Variants in XPO6 observed in about 807,000 individuals in gnomAD.
The protein encoded by XPO6 is exportin-6.
Under a neutral mutation model 130.0 loss-of-function variants are expected in XPO6, and 3 were observed. The observed-to-expected ratio is 0.02, with a 90% CI of 0.01 to 0.06. The LOEUF (loss-of-function observed/expected upper bound fraction) is 0.06. XPO6 is among the 10% of genes least tolerant of loss of function. XPO6 has a pLI of 1.00. For missense variants in XPO6, 970 were observed against 1,393.0 expected, an observed-to-expected ratio of 0.70 and a Z score of 4.83; for synonymous variants, 524 against 548.9, an observed-to-expected ratio of 0.95 and a Z score of 0.63.
chr16:28,170,346 A>AG (rs2043430296), intron 4 of XPO6, among the ~76,000 whole-genome samples: 1 of 151,854 alleles, frequency 6.6e-6, no homozygotes, highest in African/African-American at 2.4e-5. Context: ...AAAAAAAAAA[A>AG]AAAAGAAACA....
At chr16:28,118,237 C>T (rs2087122844) in intron 14 of XPO6, among the ~76,000 whole-genome samples, 1 of 152,222 alleles carries the variant, frequency 6.6e-6, no homozygotes, top group Non-Finnish European at 1.5e-5. Context: ...ATCAGTATTA[C>T]ATTGGTGGTT....
intron 1 of XPO6, among the ~76,000 whole-genome samples, chr16:28,206,687 T>C (rs995697314): frequency 6.6e-6 from 1 of 152,232 alleles, no homozygotes; most frequent in African/African-American, 2.4e-5. Context: ...CATATACTAA[T>C]TTTTTCAGAA....
At position 28,177,078 on chromosome 16, in the gene XPO6, T is replaced by G. The variant is rs556176243; in HGVS notation, c.207+142A>C. On this transcript the variant is annotated intron_variant, in intron 3 of 23. Coordinates refer to ENST00000304658, the MANE Select transcript of XPO6 (RefSeq NM_015171.4). ...GAAGATGCCCCAAACACCAGACAACTACATAAAGACAGTATGTGGGACGAC... is the reference window on the plus strand; with the variant it reads ...GAAGATGCCCCAAACACCAGACAACGACATAAAGACAGTATGTGGGACGAC... The G allele has an allele frequency of 3.2e-5, 13 of 406,518 alleles. No individual in the cohort carries two copies. The East Asian group carries it at 5.4e-4, about 17-fold the overall frequency. The allele number at this position is 406,518 out of a possible 1,614,324, so 25.2% of individuals were successfully genotyped here.
rs201683867 is a variant in XPO6, at chr16:28,176,050, T to C, written c.253A>G (p.Met85Val). 2.5e-6 allele frequency: 4 copies of C among 1,614,174 alleles called. No individual in the cohort carries two copies. The highest frequency in any genetic ancestry group is 4.5e-5 in the East Asian group (2 of 44,878). ...MWLGVPSQDK[M>V]EIRSCLPKLL... ...TTGGGCAGACAGCTACGGATTTCCATCTTATCCTGAGATGGGACCCCAAGC... is the reference window on the plus strand; with the variant it reads ...TTGGGCAGACAGCTACGGATTTCCACCTTATCCTGAGATGGGACCCCAAGC... The change falls in exon 4 of 24, where the codon ATG becomes GTG. Residue 85 changes from methionine to valine, a missense_variant. Met to Val is a conservative substitution (Grantham distance 21). Around this residue, in one of 4 missense-constraint regions of XPO6, gnomAD observed 936 missense variants for 1,306.8 expected, o/e 0.72. Transcript: ENST00000304658.
chr16:28,125,864 C>G lies in XPO6; in HGVS notation c.1607-16G>C, dbSNP rs772563553. 1.2e-6 allele frequency: 2 copies of G among 1,608,896 alleles called. No homozygotes were observed. The highest frequency in any genetic ancestry group is 1.7e-6 in the Non-Finnish European group (2 of 1,177,282). The stretch of plus-strand genomic sequence containing the variant: ...AACCTGTGTCCTGGAACACAACACG[C>G]CAGACAGTTTTTCACAGGAAGACCA... On this transcript the variant is annotated splice_polypyrimidine_tract_variant and intron_variant, in intron 12 of 23. Coordinates refer to ENST00000304658, the MANE Select transcript of XPO6 (RefSeq NM_015171.4).
intron 7 of XPO6, chr16:28,153,570 A>T: frequency 1.0e-6 from 1 of 985,430 alleles, no homozygotes; most frequent in Non-Finnish European, 1.2e-6. Flanking sequence ...TATGGGTCAC[A>T]GCTGCAAGGA....
Position 28,180,929 on chromosome 16 carries a change from T to C in XPO6, c.94+12A>G. The C allele has an allele frequency of 2.5e-6, 4 of 1,608,446 alleles. No individual in the cohort carries two copies. The highest frequency in any genetic ancestry group is 3.4e-6 in the Non-Finnish European group (4 of 1,177,146). On this transcript the variant is annotated intron_variant, in intron 2 of 23. Transcript: ENST00000304658. ...TTATAAATTCCTCTTTACAAGTCAA[T>C]GCTCCACTTACCTATCTCACGTTTT...
chr16:28,171,553 C>A (rs968395464), intron 4 of XPO6, among the ~76,000 whole-genome samples: 2 of 151,874 alleles, frequency 1.3e-5, no homozygotes, highest in Admixed American at 1.3e-4. Flanking sequence ...AAGCTCACCC[C>A]TAAAGAACAG....
rs140784073 is a variant in XPO6, at chr16:28,203,191, C to T, written c.3+8175G>A. On this transcript the variant is annotated intron_variant, in intron 1 of 23. Transcript: ENST00000304658. ...TCAGGAGGCTGAGGTGGGAGGATCG[C>T]GTGAGCCCCAGGAGATAGAGGCTGC... Among the ~76,000 whole-genome samples, 388 of 151,350 alleles carry T rather than the reference C, an allele frequency of 2.6e-3. 2 individuals are homozygous for T. Among genetic ancestry groups the T allele is most frequent in the African/African-American group, 9.0e-3 (370 of 41,190 alleles).
At chr16:28,176,383 A>G (rs189323548) in intron 3 of XPO6, among the ~76,000 whole-genome samples, 24 of 152,380 alleles carry the variant, frequency 1.6e-4, no homozygotes, top group African/African-American at 4.8e-4. Flanking sequence ...AGCAACTTCA[A>G]TGTTCAAAAA....
intron 4 of XPO6, among the ~76,000 whole-genome samples, chr16:28,171,889 C>A (rs1431079248): frequency 6.6e-6 from 1 of 152,148 alleles, no homozygotes; most frequent in African/African-American, 2.4e-5. Context: ...AAAAGATTCC[C>A]ATTACTTCCT....
At chr16:28,189,887 C>T (rs1352471880) in intron 1 of XPO6, among the ~76,000 whole-genome samples, 1 of 152,206 alleles carries the variant, frequency 6.6e-6, no homozygotes, top group Non-Finnish European at 1.5e-5. Flanking sequence ...TAAAGTTGAT[C>T]GATGGCAGAA....
intron 12 of XPO6, among the ~76,000 whole-genome samples, chr16:28,128,907 C>T (rs1335461393): frequency 6.6e-6 from 1 of 152,186 alleles, no homozygotes; most frequent in Non-Finnish European, 1.5e-5. Context: ...CCTCATTACC[C>T]TCCTGAGAAT....
At chr16:28,188,557 C>CTAAT (rs2043732429) in intron 1 of XPO6, among the ~76,000 whole-genome samples, 1 of 150,664 alleles carries the variant, frequency 6.6e-6, no homozygotes. Flanking sequence ...ACAACACATG[C>CTAAT]GATTAGCAAA....
intron 18 of XPO6, 108 bp downstream of exon 18, chr16:28,107,414 C>T: frequency 7.6e-7 from 1 of 1,322,854 alleles, no homozygotes; most frequent in East Asian, 2.3e-5. Flanking sequence ...TTGCACGGAA[C>T]AAGTCAAGGC....
intron 1 of XPO6, among the ~76,000 whole-genome samples, chr16:28,195,042 C>T (rs1289875326): frequency 6.6e-6 from 1 of 151,716 alleles, no homozygotes; most frequent in Non-Finnish European, 1.5e-5. Context: ...TCCCCACCCT[C>T]AGAGCTCCTC....
chr16:28,180,109 G>A (rs1443046575), intron 2 of XPO6, among the ~76,000 whole-genome samples: 1 of 152,194 alleles, frequency 6.6e-6, no homozygotes, highest in Non-Finnish European at 1.5e-5. Context: ...GCTCACACCT[G>A]TAATCCCAGC....
chr16:28,166,287 T>A (rs559703501), intron 6 of XPO6, among the ~76,000 whole-genome samples: 1 of 151,944 alleles, frequency 6.6e-6, no homozygotes, highest in Admixed American at 6.5e-5. Context: ...TCAGGAAAAA[T>A]AAAAAAATGA....
Position 28,112,010 on chromosome 16 carries a change from CA to C in XPO6, c.2152-5del. 1 of 1,607,344 alleles carries C rather than the reference CA, an allele frequency of 6.2e-7. No individual in the cohort carries two copies. The highest frequency in any genetic ancestry group is 8.5e-7 in the Non-Finnish European group (1 of 1,176,666). On this transcript the variant is annotated splice_region_variant and splice_polypyrimidine_tract_variant and intron_variant, in intron 16 of 23. Transcript: ENST00000304658. ...CTCGGCACACCAACACCTGGGCCTA[CA>C]AGAGACCCCAAAGGCATCCATCAGA... is the stretch of plus-strand genomic sequence containing the variant.
Sources: gnomAD v4.1 joint callset for allele counts (sites outside exome capture counted in the v4.1 genomes callset) on GRCh38, gnomAD v4.1.1 for gene constraint, gnomAD v4.1.1 regional missense constraint, MANE v1.5 for transcripts, NCBI Gene and HGNC (gene_info 2026-07-23, HGNC 2026-07-21) for gene names.